The following RORB variants were observed in gnomAD, a reference collection of about 807,000 sequenced individuals.
RORB encodes RAR related orphan receptor B, also known as nuclear receptor ROR-beta.
In RORB, 6 loss-of-function variants were observed where a neutral mutation model predicts 59.1. The ratio of observed to expected loss-of-function variants is 0.10; its 90% CI spans 0.06 to 0.20. The LOEUF (loss-of-function observed/expected upper bound fraction) is 0.20. Among genes scored for constraint, RORB ranks in the 10% least tolerant of loss-of-function variants. RORB has a pLI of 1.00. For missense variants in RORB, 320 were observed against 560.5 expected, an observed-to-expected ratio of 0.57 and a Z score of 4.33; for synonymous variants, 215 against 204.5, an observed-to-expected ratio of 1.05 and a Z score of -0.44.
In RORB at chr9:74,521,438, C is replaced by A. The variant is rs1175381583; in HGVS notation, c.7+23455C>A. Among the ~76,000 whole-genome samples, 3 of 151,720 alleles carry A rather than the reference C, an allele frequency of 2.0e-5. No individual in the cohort carries two copies. The East Asian group carries it at 5.8e-4, about 29-fold the overall frequency. Reference sequence around the variant, plus strand: ...GGGGGCCATAATTTACTCCACTGTACAAAATTAAATTCAGATTTTAAAATC... The same window carrying A: ...GGGGGCCATAATTTACTCCACTGTAAAAAATTAAATTCAGATTTTAAAATC... On this transcript the variant is annotated intron_variant, in intron 1 of 9. Coordinates refer to ENST00000376896, the MANE Select transcript of RORB (RefSeq NM_006914.4).
intron 1 of RORB, among the ~76,000 whole-genome samples, chr9:74,537,062 G>A (rs1216838256): frequency 6.6e-6 from 1 of 152,142 alleles, no homozygotes; most frequent in East Asian, 1.9e-4. Flanking sequence ...AGGAAACTGA[G>A]CCCAAGAGGT....
intron 1 of RORB, among the ~76,000 whole-genome samples, chr9:74,570,658 G>A (rs1384271348): frequency 6.6e-6 from 1 of 152,026 alleles, no homozygotes; most frequent in Non-Finnish European, 1.5e-5. Context: ...TTTCACATAA[G>A]AAAAGAATTC....
At chr9:74,649,568 C>G (rs1452974206) in intron 4 of RORB, among the ~76,000 whole-genome samples, 1 of 152,126 alleles carries the variant, frequency 6.6e-6, no homozygotes, top group East Asian at 1.9e-4. Context: ...TTATTTGAAT[C>G]CATATCTTTC....
At chr9:74,613,463 CAT>C (rs1190692123) in intron 1 of RORB, among the ~76,000 whole-genome samples, 1 of 152,112 alleles carries the variant, frequency 6.6e-6, no homozygotes, top group Non-Finnish European at 1.5e-5. Flanking sequence ...GAATCTATGC[CAT>C]ATGTCTCCGG....
chr9:74,602,815 A>G (rs150746109), intron 1 of RORB, among the ~76,000 whole-genome samples: 117 of 152,330 alleles, frequency 7.7e-4, no homozygotes, highest in Admixed American at 6.4e-3. Context: ...TAAATTAAAA[A>G]TGTACAGTGC....
chr9:74,514,676 T>C (rs529140414), intron 1 of RORB, among the ~76,000 whole-genome samples: 2 of 148,234 alleles, frequency 1.3e-5, no homozygotes, highest in South Asian at 4.2e-4. Context: ...ATATATTTAA[T>C]AATATATATA....
Position 74,671,677 on chromosome 9 carries a change from G to A in RORB, c.1112-112G>A, listed in dbSNP as rs1824347895. ...TGTAAATAATGACATGTCTTCAGAAGCAACTTAGAACTAAATAATATGAAA... is the reference window on the plus strand; with the variant it reads ...TGTAAATAATGACATGTCTTCAGAAACAACTTAGAACTAAATAATATGAAA... On this transcript the variant is annotated intron_variant, in intron 8 of 9. Transcript: ENST00000376896. 10 of 557,224 alleles carry A rather than the reference G, an allele frequency of 1.8e-5. No homozygotes were observed. The South Asian group carries it at 2.6e-4, about 15-fold the overall frequency. 34.5% of individuals were successfully genotyped at this position (557,224 alleles called of 1,614,324 possible).
chr9:74,679,511 C>A (rs547596999), intron 9 of RORB, among the ~76,000 whole-genome samples: 1 of 152,062 alleles, frequency 6.6e-6, no homozygotes, highest in Non-Finnish European at 1.5e-5. Flanking sequence ...TTTTAAATTT[C>A]AAATCTAGAC....
chr9:74,634,866 G>A lies in RORB; in HGVS notation c.235+94G>A, dbSNP rs1823676437. The A allele has an allele frequency of 2.6e-6, 3 of 1,168,384 alleles. 1 individual carries two copies. The highest frequency in any genetic ancestry group is 3.6e-6 in the Non-Finnish European group (3 of 844,406). 72.4% of individuals were successfully genotyped at this position (1,168,384 alleles called of 1,614,324 possible). A position where few individuals can be genotyped will look rare whatever the true frequency, so the allele number is the denominator to read the frequency against. On this transcript the variant is annotated intron_variant, in intron 3 of 9. Transcript: ENST00000376896. ...GCTGCTGGAAGAATTCTAGATGAGGGAATTGGGGATAAGAAGAAAAGAAAA... is the reference window on the plus strand; with the variant it reads ...GCTGCTGGAAGAATTCTAGATGAGGAAATTGGGGATAAGAAGAAAAGAAAA...
intron 1 of RORB, among the ~76,000 whole-genome samples, chr9:74,531,818 G>A (rs193028367): frequency 2.0e-4 from 31 of 151,992 alleles, no homozygotes; most frequent in Admixed American, 1.8e-3. Flanking sequence ...CTTTACATGA[G>A]ACTTTTTTTT....
At chr9:74,563,823 G>A (rs1302448813) in intron 1 of RORB, among the ~76,000 whole-genome samples, 1 of 152,176 alleles carries the variant, frequency 6.6e-6, no homozygotes, top group Non-Finnish European at 1.5e-5. Flanking sequence ...GTCTTAGAGG[G>A]ATGCAGACAC....
chr9:74,528,415 C>T (rs1483430569), intron 1 of RORB, among the ~76,000 whole-genome samples: 1 of 152,020 alleles, frequency 6.6e-6, no homozygotes, highest in Non-Finnish European at 1.5e-5. Flanking sequence ...CTAATCTCTC[C>T]TCGCACAGCC....
In RORB at chr9:74,591,922, G is replaced by T. The variant is rs1340853068; in HGVS notation, c.8-38360G>T. On this transcript the variant is annotated intron_variant, in intron 1 of 9. Coordinates refer to ENST00000376896, the MANE Select transcript of RORB (RefSeq NM_006914.4). ...TGTGTGCGTGTGCATGTGCCTGTGT[G>T]TGCATGTTCATGTGTGAGAGTGAGA... Among the ~76,000 whole-genome samples the T allele has an allele frequency of 2.0e-5, 3 of 152,146 alleles. No homozygotes were observed. In the East Asian group the frequency reaches 5.8e-4, roughly 29 times the overall value.
At chr9:74,501,627 G>T (rs1470581620) in intron 1 of RORB, among the ~76,000 whole-genome samples, 1 of 152,112 alleles carries the variant, frequency 6.6e-6, no homozygotes. Context: ...TTCAACTATT[G>T]TTGAAATAAT....
intron 1 of RORB, among the ~76,000 whole-genome samples, chr9:74,529,324 T>G (rs917188937): frequency 2.0e-5 from 3 of 151,606 alleles, no homozygotes; most frequent in African/African-American, 7.3e-5. Context: ...AATAAGAAAT[T>G]TATAATCTAA....
chr9:74,611,790 G>C (rs1823235788), intron 1 of RORB, among the ~76,000 whole-genome samples: 2 of 152,148 alleles, frequency 1.3e-5, no homozygotes, highest in Non-Finnish European at 2.9e-5. Flanking sequence ...TGAGATTATA[G>C]GCACCCACCA....
intron 8 of RORB, 115 bp from the exon 9 acceptor site, chr9:74,671,674 G>T: frequency 5.4e-6 from 3 of 555,156 alleles, no homozygotes; most frequent in Non-Finnish European, 9.7e-6. Context: ...CATGTCTTCA[G>T]AAGCAACTTA....
chr9:74,659,079 C>T (rs1824136872), intron 4 of RORB, among the ~76,000 whole-genome samples: 1 of 152,142 alleles, frequency 6.6e-6, no homozygotes, highest in Non-Finnish European at 1.5e-5. Flanking sequence ...ATATTGCTCC[C>T]CTGATGACAA....
intron 9 of RORB, among the ~76,000 whole-genome samples, chr9:74,679,622 C>A (rs1001180008): frequency 1.3e-5 from 2 of 152,044 alleles, no homozygotes; most frequent in African/African-American, 4.8e-5. Flanking sequence ...TTGTGAATAA[C>A]ACATGGCAGG....
Sources: allele counts gnomAD v4.1 joint callset (sites outside exome capture counted in the v4.1 genomes callset), GRCh38; gene constraint gnomAD v4.1.1; transcripts MANE v1.5; gene names NCBI Gene and HGNC (gene_info 2026-07-23, HGNC 2026-07-21).